Variants in EXOC6B observed in about 807,000 individuals in gnomAD.
EXOC6B encodes SEC15 homolog B.
In EXOC6B, 54 loss-of-function variants were observed where a neutral mutation model predicts 113.5. That is an observed-to-expected ratio of 0.48 (90% CI 0.38 to 0.60). The LOEUF (loss-of-function observed/expected upper bound fraction) is 0.60, where lower values mean the gene tolerates loss of function less well. Among genes scored for constraint, EXOC6B ranks in the 20% least tolerant of loss-of-function variants. The pLI is 0.00. For synonymous variants in EXOC6B, 357 were observed against 339.0 expected (o/e 1.05, Z -0.58); for missense variants, 797 against 977.5 (o/e 0.82, Z 2.46).
chr2:72,350,613 G>T (rs1367422928), intron 19 of EXOC6B, among the ~76,000 whole-genome samples: 1 of 152,184 alleles, frequency 6.6e-6, no homozygotes, highest in African/African-American at 2.4e-5. Context: ...AAAAGGAGAA[G>T]AGAATCTCTG....
intron 6 of EXOC6B, among the ~76,000 whole-genome samples, chr2:72,589,891 A>C (rs1195790260): frequency 2.6e-5 from 4 of 152,058 alleles, no homozygotes; most frequent in Non-Finnish European, 5.9e-5. Flanking sequence ...TTTCAAATAA[A>C]GGCTTCTGTA....
At chr2:72,334,810 A>T in intron 20 of EXOC6B, 137 bp downstream of exon 20, 1 of 669,986 alleles carries the variant, frequency 1.5e-6, no homozygotes, top group Non-Finnish European at 2.5e-6. Flanking sequence ...GGTGGCCTCA[A>T]ATACAGGGAA....
chr2:72,486,993 TC>T (rs1699459963), intron 16 of EXOC6B, among the ~76,000 whole-genome samples: 1 of 152,192 alleles, frequency 6.6e-6, no homozygotes, highest in Non-Finnish European at 1.5e-5. Context: ...ATTCCTCTTT[TC>T]CCATTCTTTA....
chr2:72,736,752 G>A (rs1052698232), intron 2 of EXOC6B, among the ~76,000 whole-genome samples: 4 of 152,116 alleles, frequency 2.6e-5, no homozygotes, highest in African/African-American at 7.2e-5. Flanking sequence ...CGACTACTTC[G>A]ATAACCAGAG....
At chr2:72,778,820 CA>C (rs1259949556) in intron 1 of EXOC6B, among the ~76,000 whole-genome samples, 1 of 152,086 alleles carries the variant, frequency 6.6e-6, no homozygotes, top group Non-Finnish European at 1.5e-5. Flanking sequence ...AAGTTAAGAT[CA>C]CCGAGTTCCA....
At chr2:72,590,892 A>C (rs1401417697) in intron 6 of EXOC6B, among the ~76,000 whole-genome samples, 3 of 152,038 alleles carry the variant, frequency 2.0e-5, no homozygotes, top group African/African-American at 4.8e-5. Context: ...TGAATTAAAA[A>C]GTTGATCCCA....
chr2:72,529,235 A>G (rs1224182557), intron 8 of EXOC6B, among the ~76,000 whole-genome samples: 1 of 152,134 alleles, frequency 6.6e-6, no homozygotes, highest in Non-Finnish European at 1.5e-5. Context: ...TAAATCATGA[A>G]TGTGTTTCGG....
intron 20 of EXOC6B, among the ~76,000 whole-genome samples, chr2:72,257,910 C>T (rs17007984): frequency 0.19 from 29,545 of 151,976 alleles, 4,453 homozygotes; most frequent in African/African-American, 0.42. Context: ...TAAATGGGCA[C>T]AGAAATATCT....
chr2:72,626,864 T>TTC (rs1672084756), intron 6 of EXOC6B, among the ~76,000 whole-genome samples: 1 of 152,184 alleles, frequency 6.6e-6, no homozygotes, highest in Non-Finnish European at 1.5e-5. Flanking sequence ...CTAATATATA[T>TTC]TCAGTCTTAT....
chr2:72,761,482 A>T (rs959909825), intron 1 of EXOC6B, among the ~76,000 whole-genome samples: 2 of 152,188 alleles, frequency 1.3e-5, no homozygotes, highest in African/African-American at 4.8e-5. Flanking sequence ...TTTATAAGGT[A>T]ACTTGATTAT....
intron 12 of EXOC6B, among the ~76,000 whole-genome samples, chr2:72,499,454 C>T (rs982248233): frequency 3.3e-5 from 5 of 152,000 alleles, no homozygotes; most frequent in African/African-American, 1.2e-4. Flanking sequence ...TGGTCTCAAA[C>T]TCCTGACCTC....
intron 18 of EXOC6B, among the ~76,000 whole-genome samples, chr2:72,427,231 G>A (rs1163784171): frequency 6.6e-6 from 1 of 152,210 alleles, no homozygotes; most frequent in Non-Finnish European, 1.5e-5. Context: ...ACAGAGGGGT[G>A]GACAGAGAGG....
chr2:72,265,602 C>A (rs1035729594), intron 20 of EXOC6B, among the ~76,000 whole-genome samples: 1 of 151,738 alleles, frequency 6.6e-6, no homozygotes, highest in African/African-American at 2.4e-5. Context: ...TTTATGGCTG[C>A]ATAGTATTCC....
chr2:72,632,048 A>G (rs1378099222), intron 6 of EXOC6B, among the ~76,000 whole-genome samples: 2 of 152,204 alleles, frequency 1.3e-5, no homozygotes, highest in Non-Finnish European at 2.9e-5. Flanking sequence ...GAAAATCAAA[A>G]AAGTCAGAAA....
At chr2:72,301,316 G>T (rs1413684351) in intron 20 of EXOC6B, among the ~76,000 whole-genome samples, 1 of 152,108 alleles carries the variant, frequency 6.6e-6, no homozygotes, top group South Asian at 2.1e-4. Context: ...CTTTTTATGT[G>T]TTTATGTCTC....
intron 5 of EXOC6B, among the ~76,000 whole-genome samples, chr2:72,721,364 T>TAAAAAA (rs11408155): frequency 3.5e-5 from 1 of 28,500 alleles, no homozygotes; most frequent in Non-Finnish European, 6.0e-5. Flanking sequence ...GTTGTTTTTG[T>TAAAAAA]AAAAAAAAAA....
At position 72,450,393 on chromosome 2, in the gene EXOC6B, A is replaced by T. The variant is rs111883771; in HGVS notation, c.1980+14767T>A. On this transcript the variant is annotated intron_variant, in intron 18 of 21. Coordinates refer to ENST00000272427, the MANE Select transcript of EXOC6B (RefSeq NM_015189.3). ...TTTACTAAAGGGACCTGAAAGACAGAGGTCACATGACATAGAGGGTATAGA... is the reference window on the plus strand; with the variant it reads ...TTTACTAAAGGGACCTGAAAGACAGTGGTCACATGACATAGAGGGTATAGA... Among the ~76,000 whole-genome samples, 525 of 152,360 alleles carry T rather than the reference A, an allele frequency of 3.4e-3. 2 individuals are homozygous for T. Among genetic ancestry groups the T allele is most frequent in the African/African-American group, 0.012 (499 of 41,598 alleles).
chr2:72,722,040 T>A (rs1344056804), intron 5 of EXOC6B: 1 of 147,186 alleles, frequency 6.8e-6, no homozygotes, highest in Admixed American at 6.8e-5. Flanking sequence ...AGTATAATCA[T>A]AATATTCTTC....
At chr2:72,480,256 A>C (rs1290779793) in intron 17 of EXOC6B, among the ~76,000 whole-genome samples, 2 of 152,168 alleles carry the variant, frequency 1.3e-5, no homozygotes, top group Non-Finnish European at 2.9e-5. Context: ...AGCTTAGTAG[A>C]AAATTTTAAT....
Sources: allele counts gnomAD v4.1 joint callset (sites outside exome capture counted in the v4.1 genomes callset), GRCh38; gene constraint gnomAD v4.1.1; transcripts MANE v1.5; gene names NCBI Gene and HGNC (gene_info 2026-07-23, HGNC 2026-07-21).